The following SCN8A variants were observed in gnomAD, a reference collection of about 807,000 sequenced individuals.
SCN8A encodes the protein sodium voltage-gated channel alpha subunit 8, also known as sodium channel protein type 8 subunit alpha.
SCN8A carries 30 observed loss-of-function variants against 184.1 expected under a neutral mutation model. That is an observed-to-expected ratio of 0.16 (90% CI 0.12 to 0.22). SCN8A has a LOEUF of 0.22. SCN8A is among the 10% of genes least tolerant of loss of function. SCN8A has a pLI of 1.00. For missense variants in SCN8A, 1,057 were observed against 2,498.9 expected (o/e 0.42, Z 12.30); for synonymous variants, 852 against 907.0 (o/e 0.94, Z 1.09).
intron 1 of SCN8A, among the ~76,000 whole-genome samples, chr12:51,595,545 G>A (rs1022354743): frequency 7.9e-5 from 12 of 152,258 alleles, no homozygotes; most frequent in African/African-American, 2.9e-4. Context: ...TTCAAATCCC[G>A]ACTCTGCTAT....
chr12:51,598,714 C>T (rs1175173791), intron 1 of SCN8A, among the ~76,000 whole-genome samples: 6 of 152,130 alleles, frequency 3.9e-5, no homozygotes, highest in African/African-American at 1.4e-4. Context: ...ATGCAGTATG[C>T]ACTCCATAAT....
intron 11 of SCN8A, among the ~76,000 whole-genome samples, chr12:51,716,198 G>A (rs879576673): frequency 3.3e-5 from 5 of 152,132 alleles, no homozygotes; most frequent in Non-Finnish European, 7.3e-5. Flanking sequence ...GCCAGGCGTG[G>A]TATGGCACAT....
At chr12:51,672,141 A>G (rs767681526) in intron 2 of SCN8A, among the ~76,000 whole-genome samples, 7 of 152,056 alleles carry the variant, frequency 4.6e-5, no homozygotes, top group African/African-American at 7.2e-5. Context: ...AGCCTCTCCC[A>G]TCCTAATGAA....
At chr12:51,643,427 C>T (rs1476643104) in intron 1 of SCN8A, among the ~76,000 whole-genome samples, 1 of 152,178 alleles carries the variant, frequency 6.6e-6, no homozygotes, top group Non-Finnish European at 1.5e-5. Context: ...TTATAACGTT[C>T]ATAGGTATTA....
chr12:51,798,447 T>G (rs1357952205), intron 26 of SCN8A, among the ~76,000 whole-genome samples: 1 of 152,186 alleles, frequency 6.6e-6, no homozygotes, highest in East Asian at 1.9e-4. Flanking sequence ...AGAGGTCCGA[T>G]ATAAGCAGCC....
At chr12:51,704,111 G>A (rs1380420721) in intron 9 of SCN8A, among the ~76,000 whole-genome samples, 3 of 151,466 alleles carry the variant, frequency 2.0e-5, no homozygotes, top group African/African-American at 7.3e-5. Flanking sequence ...GGCCAGGCTC[G>A]TCTTGAACTC....
intron 6 of SCN8A, among the ~76,000 whole-genome samples, chr12:51,692,547 C>T (rs1941529176): frequency 6.6e-6 from 1 of 152,218 alleles, no homozygotes; most frequent in South Asian, 2.1e-4. Context: ...GAACAGTGTA[C>T]ACAAGGTCTG....
chr12:51,767,843 T>A (rs573110006), intron 16 of SCN8A, among the ~76,000 whole-genome samples: 4 of 152,332 alleles, frequency 2.6e-5, no homozygotes, highest in Admixed American at 1.3e-4. Flanking sequence ...ATGTAGTTAG[T>A]CTGAATGACT....
At chr12:51,707,393 A>T (rs1941802427) in intron 11 of SCN8A, among the ~76,000 whole-genome samples, 1 of 152,164 alleles carries the variant, frequency 6.6e-6, no homozygotes, top group Admixed American at 6.5e-5. Flanking sequence ...AAACTTCAGG[A>T]GCAAGGAGAG....
At chr12:51,662,597 C>G (rs1483377639) in intron 1 of SCN8A, among the ~76,000 whole-genome samples, 167 bp from the exon 2 acceptor site, 2 of 152,176 alleles carry the variant, frequency 1.3e-5, no homozygotes, top group Non-Finnish European at 2.9e-5. Flanking sequence ...CTTGGCAGAT[C>G]AGTCCATGCC....
chr12:51,738,322 C>T (rs188408652), intron 12 of SCN8A, among the ~76,000 whole-genome samples: 10 of 152,316 alleles, frequency 6.6e-5, no homozygotes, highest in Admixed American at 5.2e-4. Flanking sequence ...AGTCCCAGGT[C>T]ATCCATCGGG....
chr12:51,606,350 A>G (rs1054620671), intron 1 of SCN8A, among the ~76,000 whole-genome samples: 15 of 152,152 alleles, frequency 9.9e-5, no homozygotes, highest in African/African-American at 3.1e-4. Flanking sequence ...AAGGGTGTCT[A>G]TTCCCCGCTT....
At position 51,662,917 on chromosome 12, in the gene SCN8A, C is replaced by T. The variant is rs1940952445; in HGVS notation, c.100C>T (p.Leu34Phe). The T allele has an allele frequency of 6.2e-7, 1 of 1,614,016 alleles. No homozygotes were observed. The change falls in exon 2 of 27, where the codon CTC (leucine) becomes TTC (phenylalanine). Residue 34 changes from leucine to phenylalanine, a missense_variant. Around this residue, in one of 19 missense-constraint regions of SCN8A, gnomAD observed 45 missense variants for 71.3 expected, o/e 0.63. Transcript: ENST00000627620. ...TGAGAGGCGCATTGCTGAGAGCAAG[C>T]TCAAGAAACCACCAAAGGCCGATGG... is the stretch of plus-strand genomic sequence containing the variant. ...NIERRIAESK[L>F]KKPPKADGSH...
chr12:51,641,947 T>A (rs1469732455), intron 1 of SCN8A, among the ~76,000 whole-genome samples: 1 of 152,244 alleles, frequency 6.6e-6, no homozygotes, highest in Non-Finnish European at 1.5e-5. Context: ...TGCAGATCTT[T>A]ACTGCAGAAC....
chr12:51,717,467 C>T (rs1280070949), intron 11 of SCN8A, among the ~76,000 whole-genome samples: 1 of 152,222 alleles, frequency 6.6e-6, no homozygotes, highest in East Asian at 1.9e-4. Context: ...CTCTCAGTTT[C>T]CTTACTTGTC....
chr12:51,802,668 A>T (rs1033618905), intron 26 of SCN8A, among the ~76,000 whole-genome samples: 3 of 152,296 alleles, frequency 2.0e-5, no homozygotes, highest in African/African-American at 7.2e-5. Context: ...TTCTTTCATT[A>T]CTTTCTCCAG....
At chr12:51,638,282 T>TAG (rs1940363277) in intron 1 of SCN8A, among the ~76,000 whole-genome samples, 1 of 152,224 alleles carries the variant, frequency 6.6e-6, no homozygotes, top group African/African-American at 2.4e-5. Context: ...GAGCAAGGAC[T>TAG]AATTTCAACT....
chr12:51,759,859 G>A (rs1399667268), intron 14 of SCN8A, among the ~76,000 whole-genome samples: 1 of 152,198 alleles, frequency 6.6e-6, no homozygotes, highest in Non-Finnish European at 1.5e-5. Flanking sequence ...AAGTACAAGG[G>A]CATGGTGCCA....
intron 12 of SCN8A, among the ~76,000 whole-genome samples, chr12:51,725,223 T>G (rs1942138104): frequency 6.6e-6 from 1 of 152,206 alleles, no homozygotes; most frequent in African/African-American, 2.4e-5. Context: ...TGGCTAGTTG[T>G]TAACGGTGTG....
Sources: gnomAD v4.1 joint callset for allele counts (sites outside exome capture counted in the v4.1 genomes callset) on GRCh38, gnomAD v4.1.1 for gene constraint, gnomAD v4.1.1 regional missense constraint, MANE v1.5 for transcripts, NCBI Gene and HGNC (gene_info 2026-07-23, HGNC 2026-07-21) for gene names.